The following CNGB1 variants were observed in gnomAD, a reference collection of about 807,000 sequenced individuals.
CNGB1 encodes the protein cyclic nucleotide-gated channel beta-1.
A neutral mutation model predicts 151.7 loss-of-function variants in CNGB1; 126 were observed. That is an observed-to-expected ratio of 0.83 (90% CI 0.72 to 0.96). The LOEUF (loss-of-function observed/expected upper bound fraction) is 0.96, where lower values mean the gene tolerates loss of function less well. Ranked by LOEUF, CNGB1 falls within the 40% of genes least tolerant of loss-of-function variation. CNGB1 has a pLI of 0.00. For synonymous variants in CNGB1, 623 were observed against 635.1 expected (o/e 0.98, Z 0.29); for missense variants, 1,698 against 1,627.0 (o/e 1.04, Z -0.75).
chr16:57,915,215 T>C lies in CNGB1; in HGVS notation c.2304+34A>G, dbSNP rs769629340. 9.5e-6 allele frequency: 15 copies of C among 1,572,016 alleles called. No individual in the cohort carries two copies. The African/African-American group carries it at 1.9e-4, about 20-fold the overall frequency. On this transcript the variant is annotated intron_variant, in intron 23 of 32. Coordinates refer to ENST00000251102, the MANE Select transcript of CNGB1 (RefSeq NM_001297.5). ...GTGTCGGTGCAGAGCAGGGATGAGC[T>C]GAAGGCCTGGGGTGGTGGGCCCAGC... is the stretch of plus-strand genomic sequence containing the variant.
Position 57,895,172 on chromosome 16 carries a change from C to T in CNGB1, c.3242+2225G>A, listed in dbSNP as rs186248663. The stretch of plus-strand genomic sequence containing the variant: ...AATTCTAATATGTGGTGGCAGGGCA[C>T]GGTGGCTCACACCTGTAATCCCAGC... On this transcript the variant is annotated intron_variant, in intron 31 of 32. Coordinates refer to ENST00000251102, the MANE Select transcript of CNGB1 (RefSeq NM_001297.5). 9.2e-5 allele frequency among the ~76,000 whole-genome samples: 14 copies of T among 152,180 alleles called. No individual in the cohort carries two copies. The East Asian group carries it at 2.5e-3, about 27-fold the overall frequency.
intron 27 of CNGB1, among the ~76,000 whole-genome samples, chr16:57,902,007 G>A (rs930912633): frequency 2.0e-5 from 3 of 152,168 alleles, no homozygotes; most frequent in Admixed American, 1.3e-4. Flanking sequence ...AAGAACTAAA[G>A]TCTCTGGAGC....
Position 57,920,423 on chromosome 16 carries a change from G to A in CNGB1, c.1765C>T (p.Pro589Ser), listed in dbSNP as rs1339561297. 1.2e-6 allele frequency: 2 copies of A among 1,614,154 alleles called. No individual in the cohort carries two copies. The highest frequency in any genetic ancestry group is 1.7e-6 in the Non-Finnish European group (2 of 1,180,032). The change falls in exon 19 of 33, where the codon CCT (proline) becomes TCT (serine). Residue 589 changes from proline to serine, a missense_variant. Pro to Ser is a moderately conservative substitution (Grantham distance 74, BLOSUM62 -1). Coordinates refer to ENST00000251102, the MANE Select transcript of CNGB1 (RefSeq NM_001297.5). ...TEKVKEKLID[P>S]DVTSDEESPK... ...CTCTCCTCATCAGAGGTGACGTCAG[G>A]GTCAATGAGTTTCTCCTTCACTTTC... is the stretch of plus-strand genomic sequence containing the variant.
intron 1 of CNGB1, among the ~76,000 whole-genome samples, chr16:57,970,695 C>T (rs1214805438): frequency 1.3e-5 from 2 of 152,164 alleles, no homozygotes; most frequent in Non-Finnish European, 2.9e-5. Context: ...GCAGGTCCCT[C>T]CCATCTTTCA....
intron 31 of CNGB1, among the ~76,000 whole-genome samples, chr16:57,892,442 A>C (rs1357348327): frequency 6.6e-5 from 10 of 152,146 alleles, no homozygotes. Context: ...GGAAGGGTCC[A>C]GTGGGTCCCT....
chr16:57,905,301 G>A (rs1362433659), intron 25 of CNGB1, among the ~76,000 whole-genome samples: 2 of 152,186 alleles, frequency 1.3e-5, no homozygotes, highest in Non-Finnish European at 2.9e-5. Flanking sequence ...CATCAAGTTT[G>A]GACGATATCT....
At chr16:57,901,075 G>T (rs1314489576) in intron 29 of CNGB1, among the ~76,000 whole-genome samples, 2 of 151,546 alleles carry the variant, frequency 1.3e-5, no homozygotes, top group Non-Finnish European at 2.9e-5. Flanking sequence ...GGGGGTCTTT[G>T]TCCTGGCCCC....
chr16:57,921,437 G>A (rs1451794959), intron 18 of CNGB1, among the ~76,000 whole-genome samples: 1 of 152,040 alleles, frequency 6.6e-6, no homozygotes, highest in Admixed American at 6.6e-5. Context: ...GGCCAGGCTG[G>A]TCTCAAACTC....
intron 25 of CNGB1, among the ~76,000 whole-genome samples, chr16:57,906,566 G>C (rs1229543753): frequency 6.6e-6 from 1 of 152,194 alleles, no homozygotes; most frequent in Non-Finnish European, 1.5e-5. Context: ...ATCACCTGTT[G>C]CCTGCAAGTT....
In CNGB1 at chr16:57,913,007, G is replaced by C. The variant is rs1960773570; in HGVS notation, c.2305-13C>G. 6.2e-7 allele frequency: 1 copy of C among 1,613,530 alleles called. No homozygotes were observed. The highest frequency in any genetic ancestry group is 1.3e-5 in the African/African-American group (1 of 74,920). ...AGAAGGCCATGTACTGGAGGGAGAG[G>C]AGGGCGTGAGAGCAGCCCACCGGCC... On this transcript the variant is annotated splice_polypyrimidine_tract_variant and intron_variant, in intron 23 of 32. Coordinates refer to ENST00000251102, the MANE Select transcript of CNGB1 (RefSeq NM_001297.5).
intron 1 of CNGB1, among the ~76,000 whole-genome samples, chr16:57,969,633 C>T (rs1350351116): frequency 6.6e-6 from 1 of 152,172 alleles, no homozygotes; most frequent in East Asian, 1.9e-4. Flanking sequence ...GCTTATAGTG[C>T]TATATTTTAA....
rs1461127263 is a variant in CNGB1, at chr16:57,897,921, C to G, written c.2977-7G>C. 2 of 1,613,948 alleles carry G rather than the reference C, an allele frequency of 1.2e-6. No homozygotes were observed. The highest frequency in any genetic ancestry group is 1.6e-4 in the Middle Eastern group (1 of 6,062). On this transcript the variant is annotated splice_polypyrimidine_tract_variant and splice_region_variant and intron_variant, in intron 29 of 32. Transcript: ENST00000251102. ...TCTCACGGCCGATCTCCCCCTGAAA[C>G]AAAGAAGTGACAAGTCCCTCTGTTC...
intron 16 of CNGB1, among the ~76,000 whole-genome samples, chr16:57,932,376 C>A (rs1452007834): frequency 1.3e-5 from 2 of 150,988 alleles, no homozygotes; most frequent in Non-Finnish European, 3.0e-5. Context: ...CCAGAAGGCA[C>A]AAGTACTCAC....
At chr16:57,964,676 C>T in intron 2 of CNGB1, 132 bp from the exon 3 acceptor site, 1 of 899,882 alleles carries the variant, frequency 1.1e-6, no homozygotes, top group South Asian at 1.4e-5. Flanking sequence ...AGGATCATCT[C>T]TGTAAATCCT....
intron 14 of CNGB1, among the ~76,000 whole-genome samples, chr16:57,943,865 G>A (rs1961733725): frequency 6.6e-6 from 1 of 152,012 alleles, no homozygotes; most frequent in Non-Finnish European, 1.5e-5. Flanking sequence ...TTGAAGAGGT[G>A]TCTGCACTCC....
At chr16:57,953,429 A>G (rs1343592367) in intron 12 of CNGB1, among the ~76,000 whole-genome samples, 1 of 148,344 alleles carries the variant, frequency 6.7e-6, no homozygotes, top group East Asian at 2.0e-4. Flanking sequence ...CGGGAGGTAG[A>G]GGTTGCAGTG....
intron 31 of CNGB1, among the ~76,000 whole-genome samples, chr16:57,894,516 A>G (rs7204867): frequency 0.19 from 28,448 of 152,122 alleles, 4,990 homozygotes; most frequent in African/African-American, 0.47. Context: ...CAGGAGAATC[A>G]CCTGAACCCG....
intron 3 of CNGB1, 100 bp from the exon 4 acceptor site, chr16:57,964,302 AG>A (rs1962334343): frequency 7.0e-7 from 1 of 1,420,332 alleles, no homozygotes; most frequent in Non-Finnish European, 9.9e-7. Flanking sequence ...AGAGACCCCC[AG>A]GGGTCAGAAA....
At chr16:57,898,243 C>T (rs1960288597) in intron 29 of CNGB1, among the ~76,000 whole-genome samples, 1 of 152,200 alleles carries the variant, frequency 6.6e-6, no homozygotes, top group Non-Finnish European at 1.5e-5. Flanking sequence ...TCCAGTTAGA[C>T]TCACTGATGG....
Sources: allele counts gnomAD v4.1 joint callset (sites outside exome capture counted in the v4.1 genomes callset), GRCh38; gene constraint gnomAD v4.1.1; transcripts MANE v1.5; gene names NCBI Gene and HGNC (gene_info 2026-07-23, HGNC 2026-07-21).